SLC24A3: variants seen among roughly 807,000 people sequenced by gnomAD.
SLC24A3 encodes sodium/potassium/calcium exchanger 3.
A neutral mutation model predicts 75.8 loss-of-function variants in SLC24A3; 28 were observed. The observed-to-expected ratio is 0.37, with a 90% CI of 0.27 to 0.51. The LOEUF (loss-of-function observed/expected upper bound fraction) is 0.51, where lower values mean the gene tolerates loss of function less well. Among genes scored for constraint, SLC24A3 ranks in the 20% least tolerant of loss-of-function variants. SLC24A3 has a pLI of 0.94. For missense variants in SLC24A3, 663 were observed against 847.8 expected (o/e 0.78, Z 2.71); for synonymous variants, 372 against 334.1 (o/e 1.11, Z -1.24).
intron 9 of SLC24A3, among the ~76,000 whole-genome samples, chr20:19,678,996 A>G: frequency 6.6e-6 from 1 of 150,566 alleles, no homozygotes; most frequent in East Asian, 2.0e-4. Context: ...GCGGCCGGGC[A>G]GAGACGCTCC....
intron 2 of SLC24A3, among the ~76,000 whole-genome samples, chr20:19,378,290 A>T (rs2064444): frequency 0.53 from 78,373 of 148,568 alleles, 20,969 homozygotes; most frequent in African/African-American, 0.67. Flanking sequence ...AGGTTTTTTT[A>T]AAAAAAAAAA....
intron 9 of SLC24A3, among the ~76,000 whole-genome samples, chr20:19,677,860 G>A (rs1009466925): frequency 1.2e-4 from 18 of 152,042 alleles, no homozygotes; most frequent in South Asian, 8.3e-4. Flanking sequence ...GAGGCCTTCC[G>A]CAGTGTTTGC....
At chr20:19,235,428 T>G (rs1982137306) in intron 1 of SLC24A3, among the ~76,000 whole-genome samples, 1 of 152,190 alleles carries the variant, frequency 6.6e-6, no homozygotes. Context: ...AAAGCAAAAC[T>G]CATGGACTTA....
At chr20:19,518,143 T>A (rs1190075559) in intron 3 of SLC24A3, among the ~76,000 whole-genome samples, 1 of 152,208 alleles carries the variant, frequency 6.6e-6, no homozygotes, top group South Asian at 2.1e-4. Context: ...ACAAACATCA[T>A]TGGATGTAAG....
intron 3 of SLC24A3, among the ~76,000 whole-genome samples, chr20:19,564,763 C>T (rs774488995): frequency 6.6e-6 from 1 of 152,238 alleles, no homozygotes; most frequent in Non-Finnish European, 1.5e-5. Context: ...CATGCTTTTA[C>T]TCATTCTGTT....
intron 2 of SLC24A3, among the ~76,000 whole-genome samples, chr20:19,426,796 G>C (rs1250209984): frequency 6.6e-6 from 1 of 152,178 alleles, no homozygotes; most frequent in African/African-American, 2.4e-5. Context: ...GGGTCAGGAG[G>C]CTACTGCGGC....
At chr20:19,238,868 TCTC>T (rs1424962339) in intron 1 of SLC24A3, among the ~76,000 whole-genome samples, 2 of 152,188 alleles carry the variant, frequency 1.3e-5, no homozygotes, top group South Asian at 2.1e-4. Context: ...TATTGATCTT[TCTC>T]CTCCTCCTGT....
At chr20:19,445,823 T>C (rs1812857614) in intron 2 of SLC24A3, among the ~76,000 whole-genome samples, 2 of 152,192 alleles carry the variant, frequency 1.3e-5, no homozygotes, top group African/African-American at 4.8e-5. Flanking sequence ...TGAGGAGATG[T>C]GGGCAGTCCA....
At chr20:19,621,468 T>C (rs1318585345) in intron 6 of SLC24A3, among the ~76,000 whole-genome samples, 1 of 152,238 alleles carries the variant, frequency 6.6e-6, no homozygotes, top group Non-Finnish European at 1.5e-5. Flanking sequence ...GGAACCCTCT[T>C]GACCCTCTTG....
At chr20:19,637,128 G>A (rs1339438839) in intron 6 of SLC24A3, among the ~76,000 whole-genome samples, 3 of 142,644 alleles carry the variant, frequency 2.1e-5, no homozygotes, top group Admixed American at 7.0e-5. Context: ...GCAAAACCCC[G>A]TCTCTACTAA....
chr20:19,692,097 G>A (rs1394468916), intron 12 of SLC24A3, among the ~76,000 whole-genome samples: 1 of 152,104 alleles, frequency 6.6e-6, no homozygotes, highest in South Asian at 2.1e-4. Context: ...ACAAATACTG[G>A]ATACTGGTCT....
chr20:19,546,461 C>G (rs75779378), intron 3 of SLC24A3, among the ~76,000 whole-genome samples: 4 of 152,192 alleles, frequency 2.6e-5, no homozygotes, highest in Admixed American at 6.5e-5. Flanking sequence ...TAAAACAGAG[C>G]TGCTTGACAG....
chr20:19,528,343 G>T (rs2030236879), intron 3 of SLC24A3, among the ~76,000 whole-genome samples: 1 of 152,102 alleles, frequency 6.6e-6, no homozygotes, highest in African/African-American at 2.4e-5. Flanking sequence ...GACACAGGTT[G>T]GTGCCCATTT....
intron 3 of SLC24A3, among the ~76,000 whole-genome samples, chr20:19,527,847 T>C (rs946135544): frequency 6.6e-6 from 1 of 152,228 alleles, no homozygotes; most frequent in Non-Finnish European, 1.5e-5. Context: ...CCTGAAGGAT[T>C]GGCTTCTATC....
chr20:19,253,686 C>T (rs1011282969), intron 1 of SLC24A3, among the ~76,000 whole-genome samples: 1 of 152,196 alleles, frequency 6.6e-6, no homozygotes, highest in Non-Finnish European at 1.5e-5. Context: ...TCTAATGTTG[C>T]ATGAGAACCT....
intron 1 of SLC24A3, among the ~76,000 whole-genome samples, chr20:19,270,941 G>A (rs1271358578): frequency 6.6e-6 from 1 of 152,180 alleles, no homozygotes; most frequent in Admixed American, 6.5e-5. Flanking sequence ...AATAGGCAAA[G>A]GGTGGCAGGA....
At chr20:19,346,375 ATATATATGGTATATATATGGTG>A (rs1429549342) in intron 2 of SLC24A3, among the ~76,000 whole-genome samples, 1 of 138,454 alleles carries the variant, frequency 7.2e-6, no homozygotes, top group Non-Finnish European at 1.5e-5. Flanking sequence ...TATGTGGTGT[ATATATATGGTATATATATGGTG>A]TATATATATG....
intron 3 of SLC24A3, among the ~76,000 whole-genome samples, chr20:19,544,157 A>G (rs2030549550): frequency 6.6e-6 from 1 of 152,216 alleles, no homozygotes. Flanking sequence ...ACCATTTTCC[A>G]AATTCAAAAC....
At chr20:19,566,484 A>C (rs577047571) in intron 3 of SLC24A3, among the ~76,000 whole-genome samples, 11 of 152,300 alleles carry the variant, frequency 7.2e-5, no homozygotes, top group Admixed American at 3.9e-4. Context: ...CTCATTGCTC[A>C]CTGCCTCCAC....
Sources: gnomAD v4.1 joint callset for allele counts (sites outside exome capture counted in the v4.1 genomes callset) on GRCh38, gnomAD v4.1.1 for gene constraint, MANE v1.5 for transcripts, NCBI Gene and HGNC (gene_info 2026-07-23, HGNC 2026-07-21) for gene names.